PCDHA12: variants seen among roughly 807,000 people sequenced by gnomAD.
PCDHA12 encodes protocadherin alpha-12.
Under a neutral mutation model 60.0 loss-of-function variants are expected in PCDHA12, and 44 were observed. The observed-to-expected ratio is 0.73, with a 90% CI of 0.58 to 0.94. The LOEUF (loss-of-function observed/expected upper bound fraction) is 0.94, where lower values mean the gene tolerates loss of function less well. Ranked by LOEUF, PCDHA12 falls within the 40% of genes least tolerant of loss-of-function variation. PCDHA12 has a pLI of 0.00. For missense variants in PCDHA12, 1,276 were observed against 1,239.7 expected, an observed-to-expected ratio of 1.03 and a Z score of -0.44; for synonymous variants, 569 against 553.0, an observed-to-expected ratio of 1.03 and a Z score of -0.40.
At chr5:140,880,688 A>T (rs1033069078) in intron 1 of PCDHA12, among the ~76,000 whole-genome samples, 2 of 152,224 alleles carry the variant, frequency 1.3e-5, no homozygotes, top group East Asian at 3.8e-4. Flanking sequence ...GAGAATAGTC[A>T]TGGTTAAGTG....
intron 1 of PCDHA12, chr5:140,882,765 CGG>C: frequency 6.2e-7 from 1 of 1,614,222 alleles, no homozygotes; most frequent in Non-Finnish European, 8.5e-7. Flanking sequence ...GGAGTAAACT[CGG>C]CATTGACCTA....
In PCDHA12 at chr5:141,010,203, C is replaced by T; in HGVS notation, c.*266C>T. ...AGACCCAAGTTTCCTTTCTCCTCCG[C>T]CGCAAAGGAGAGGCTTCCCAGCCCC... On this transcript the variant is annotated 3_prime_UTR_variant, in exon 4 of 4. Coordinates refer to ENST00000398631, the MANE Select transcript of PCDHA12 (RefSeq NM_018903.4). The T allele has an allele frequency of 1.3e-6, 2 of 1,552,032 alleles. No homozygotes were observed. Among genetic ancestry groups the T allele is most frequent in the Non-Finnish European group, 1.7e-6 (2 of 1,147,066 alleles).
At chr5:140,929,174 G>A (rs782544510) in intron 1 of PCDHA12, 2 of 1,614,140 alleles carry the variant, frequency 1.2e-6, no homozygotes, top group East Asian at 4.5e-5. Context: ...GCCTCTCTGG[G>A]ACTTGGTTCT....
intron 1 of PCDHA12, among the ~76,000 whole-genome samples, chr5:140,905,962 G>A (rs2072248192): frequency 6.6e-6 from 1 of 152,198 alleles, no homozygotes; most frequent in Non-Finnish European, 1.5e-5. Flanking sequence ...TTCAAGGGGA[G>A]GAAGATCCAG....
At chr5:141,009,345 G>C (rs1409011729) in intron 3 of PCDHA12, among the ~76,000 whole-genome samples, 1 of 152,164 alleles carries the variant, frequency 6.6e-6, no homozygotes, top group African/African-American at 2.4e-5. Context: ...TGTAGTTCCA[G>C]CTACTTGGGA....
At chr5:140,892,324 C>T (rs1158961031) in intron 1 of PCDHA12, among the ~76,000 whole-genome samples, 3 of 152,308 alleles carry the variant, frequency 2.0e-5, no homozygotes, top group Non-Finnish European at 4.4e-5. Context: ...CATTTTCTTT[C>T]TCCAGAATGG....
chr5:140,917,483 G>C (rs1237773555), intron 1 of PCDHA12, among the ~76,000 whole-genome samples: 1 of 152,152 alleles, frequency 6.6e-6, no homozygotes, highest in Non-Finnish European at 1.5e-5. Flanking sequence ...CTTTGCCAGG[G>C]CCTATGCCCA....
chr5:140,979,391 T>C (rs1298274291), intron 2 of PCDHA12, among the ~76,000 whole-genome samples: 1 of 152,202 alleles, frequency 6.6e-6, no homozygotes, highest in Non-Finnish European at 1.5e-5. Context: ...AATGTATACA[T>C]ACATGTTGTC....
At chr5:140,918,279 G>A (rs1554198513) in intron 1 of PCDHA12, among the ~76,000 whole-genome samples, 1 of 152,078 alleles carries the variant, frequency 6.6e-6, no homozygotes, top group African/African-American at 2.4e-5. Context: ...TCAGATGTAG[G>A]AGCTTTTTGG....
In PCDHA12 at chr5:141,009,750, T is replaced by C; in HGVS notation, c.2639T>C (p.Ile880Thr). Residue 880 changes from isoleucine (I) to threonine (T), a missense_variant, in exon 4 of 4, where the codon ATT becomes ACT. By Grantham distance (89) the Ile-to-Thr change is moderately conservative. Coordinates refer to ENST00000398631, the MANE Select transcript of PCDHA12 (RefSeq NM_018903.4). ...CCCGGTGAGTTGCCCGACAAATTCA[T>C]TATCCCAGGATCTCCTGCAATCATC... ...SGPGELPDKF[I>T]IPGSPAIISI... 1.2e-6 allele frequency: 2 copies of C among 1,614,130 alleles called. No individual in the cohort carries two copies. The highest frequency in any genetic ancestry group is 3.3e-5 in the Admixed American group (2 of 60,026).
chr5:140,953,901 A>G (rs1354951706), intron 1 of PCDHA12, among the ~76,000 whole-genome samples: 1 of 152,156 alleles, frequency 6.6e-6, no homozygotes, highest in Admixed American at 6.5e-5. Flanking sequence ...TATTAAGCCC[A>G]GCATCCATTA....
chr5:140,960,588 T>A (rs2095557494), intron 1 of PCDHA12, among the ~76,000 whole-genome samples: 1 of 152,166 alleles, frequency 6.6e-6, no homozygotes, highest in African/African-American at 2.4e-5. Flanking sequence ...ACAGTTCAAA[T>A]TCAAGGTACT....
intron 1 of PCDHA12, among the ~76,000 whole-genome samples, chr5:140,933,268 T>A (rs2088999959): frequency 6.6e-6 from 1 of 151,986 alleles, no homozygotes; most frequent in Non-Finnish European, 1.5e-5. Context: ...TTATTATATA[T>A]TCATTTGGAA....
At chr5:140,944,385 C>T (rs1273075803) in intron 1 of PCDHA12, among the ~76,000 whole-genome samples, 4 of 152,092 alleles carry the variant, frequency 2.6e-5, no homozygotes, top group Non-Finnish European at 5.9e-5. Flanking sequence ...TGGAGTCTCA[C>T]TGTGTTATCC....
intron 3 of PCDHA12, among the ~76,000 whole-genome samples, chr5:140,991,982 A>ACCAC (rs2097483325): frequency 6.6e-6 from 1 of 151,494 alleles, no homozygotes; most frequent in African/African-American, 2.4e-5. Context: ...TATTCTGCCT[A>ACCAC]CCACCCGGTC....
intron 1 of PCDHA12, chr5:140,929,026 G>A: frequency 1.2e-6 from 2 of 1,614,176 alleles, no homozygotes; most frequent in Non-Finnish European, 1.7e-6. Context: ...CCAGAGCCCA[G>A]GCTGTTGCGC....
In PCDHA12 at chr5:141,009,929, G is replaced by A; in HGVS notation, c.2818G>A (p.Asp940Asn). The A allele has an allele frequency of 1.2e-6, 2 of 1,603,732 alleles. No individual in the cohort carries two copies. Among genetic ancestry groups the A allele is most frequent in the Non-Finnish European group, 1.7e-6 (2 of 1,176,576 alleles). Residue 940 changes from aspartate to asparagine, a missense_variant, in exon 4 of 4, where the codon GAC (aspartate) becomes AAC (asparagine). Transcript: ENST00000398631. ...AGGGAACAGCACGACTGACAACAGT[G>A]ACCAGTGAGGTCCTCAAATGGAAAC... is the stretch of plus-strand genomic sequence containing the variant. ...EKGNSTTDNSDQ is the reference protein window; with the variant it reads ...EKGNSTTDNSNQ
At chr5:140,967,699 T>C (rs781874469) in intron 1 of PCDHA12, 9 of 1,614,154 alleles carry the variant, frequency 5.6e-6, no homozygotes, top group Non-Finnish European at 7.6e-6. Context: ...TCAGCATAGA[T>C]GCCAGTACCG....
chr5:140,966,501 C>A (rs993120522), intron 1 of PCDHA12: 8 of 436,558 alleles, frequency 1.8e-5, no homozygotes, highest in Admixed American at 8.7e-5. Flanking sequence ...GGAGCTGTAG[C>A]GGCAGCAGCA....
Sources: gnomAD v4.1 joint callset for allele counts (sites outside exome capture counted in the v4.1 genomes callset) on GRCh38, gnomAD v4.1.1 for gene constraint, MANE v1.5 for transcripts, NCBI Gene and HGNC (gene_info 2026-07-23, HGNC 2026-07-21) for gene names.